ATP5MC2: variants seen among roughly 807,000 people sequenced by gnomAD.
ATP5MC2 encodes ATP synthase F(0) complex subunit C2, mitochondrial.
Under a neutral mutation model 13.5 loss-of-function variants are expected in ATP5MC2, and 11 were observed. That is an observed-to-expected ratio of 0.81 (90% CI 0.51 to 1.35). The LOEUF (loss-of-function observed/expected upper bound fraction) is 1.35, where lower values mean the gene tolerates loss of function less well. ATP5MC2 is among the 40% of genes most tolerant of loss of function. ATP5MC2 has a pLI of 0.00. For synonymous variants in ATP5MC2, 64 were observed against 69.7 expected, an observed-to-expected ratio of 0.92 and a Z score of 0.41; for missense variants, 132 against 175.0, an observed-to-expected ratio of 0.75 and a Z score of 1.39.
At chr12:53,678,519 C>A (rs1945321099), upstream of ATP5MC2, among the ~76,000 whole-genome samples, 1 of 152,180 alleles carries the variant, frequency 6.6e-6, no homozygotes, top group African/African-American at 2.4e-5. Flanking sequence ...AACGTTTTCA[C>A]CTGCATAAGT....
At chr12:53,672,539 T>C in intron 2 of ATP5MC2, 37 bp downstream of exon 2, 1 of 1,529,854 alleles carries the variant, frequency 6.5e-7, no homozygotes, top group South Asian at 1.2e-5. Flanking sequence ...ACAAGATGTC[T>C]CTCCTTTAAA....
intron 4 of ATP5MC2, among the ~76,000 whole-genome samples, chr12:53,665,976 C>A (rs1301922018): frequency 2.6e-5 from 4 of 152,176 alleles, no homozygotes; most frequent in Non-Finnish European, 4.4e-5. Context: ...AGATTATGTT[C>A]TCTCATTTCA....
chr12:53,669,951 A>T lies in ATP5MC2; in HGVS notation c.40-3T>A, dbSNP rs773254587. On this transcript the variant is annotated splice_polypyrimidine_tract_variant and splice_region_variant and intron_variant, in intron 2 of 4. Transcript: ENST00000394349. The stretch of plus-strand genomic sequence containing the variant: ...AGCAGCTGTGAGGTGCTCTTGACCT[A>T]GCAGGAATGACATACAGGGGCAGGA... 1.2e-6 allele frequency: 2 copies of T among 1,614,044 alleles called. No homozygotes were observed. Among genetic ancestry groups the T allele is most frequent in the Admixed American group, 3.3e-5 (2 of 60,022 alleles).
Position 53,673,190 on chromosome 12 carries a change from G to A in ATP5MC2, c.-31-545C>T, listed in dbSNP as rs139542762. Reference sequence around the variant, plus strand: ...AAAAATTAGCCAGGTGTGGTAGCACGCGCCTGTAATCCCAGCTACTCAGGA... The same window carrying A: ...AAAAATTAGCCAGGTGTGGTAGCACACGCCTGTAATCCCAGCTACTCAGGA... On this transcript the variant is annotated intron_variant, in intron 1 of 4. Coordinates refer to ENST00000394349, the MANE Select transcript of ATP5MC2 (RefSeq NM_005176.7). 358 of 152,808 alleles carry A rather than the reference G, an allele frequency of 2.3e-3. 1 individual carries two copies. The highest frequency in any genetic ancestry group is 7.6e-3 in the Admixed American group (116 of 15,334). 9.5% of individuals were successfully genotyped at this position (152,808 alleles called of 1,614,324 possible). A position where few individuals can be genotyped will look rare whatever the true frequency, so the allele number is the denominator to read the frequency against.
intron 4 of ATP5MC2, among the ~76,000 whole-genome samples, chr12:53,667,248 T>C (rs1206053036): frequency 6.6e-6 from 1 of 152,178 alleles, no homozygotes; most frequent in Non-Finnish European, 1.5e-5. Context: ...TATCCAGAGC[T>C]GGGAGTACTA....
intron 2 of ATP5MC2, 127 bp downstream of exon 2, chr12:53,672,449 T>C (rs1382908399): frequency 2.0e-6 from 2 of 1,013,468 alleles, no homozygotes; most frequent in South Asian, 1.4e-5. Flanking sequence ...TTTGAACTCC[T>C]GGCCTCAAGT....
rs1825001855 is a variant in ATP5MC2, at chr12:53,669,243, G to A, written c.216C>T (p.Ala72=). The A allele has an allele frequency of 6.2e-7, 1 of 1,613,902 alleles. No homozygotes were observed. Among genetic ancestry groups the A allele is most frequent in the Non-Finnish European group, 8.5e-7 (1 of 1,179,958 alleles). Residue 72 remains alanine, a synonymous_variant, in exon 4 of 5, where the codon GCC becomes GCT. Coordinates refer to ENST00000394349, the MANE Select transcript of ATP5MC2 (RefSeq NM_005176.7). ...TGGCAGCCCCAGCTCCAATGAACTT[G>A]GCTGCTGTGTCGATGTCCCTTGAAA... ...SAISRDIDTA[A]KFIGAGAATV... is the part of the protein sequence containing the mutation.
chr12:53,675,721 G>T (rs963726404), intron 1 of ATP5MC2, among the ~76,000 whole-genome samples: 1 of 152,202 alleles, frequency 6.6e-6, no homozygotes, highest in Non-Finnish European at 1.5e-5. Context: ...GAGCCTGGGG[G>T]TTGTCACAAT....
At chr12:53,674,815 A>T (rs1593058121) in intron 1 of ATP5MC2, among the ~76,000 whole-genome samples, 1 of 152,270 alleles carries the variant, frequency 6.6e-6, no homozygotes, top group East Asian at 1.9e-4. Flanking sequence ...TTTTGCCTAT[A>T]TGTAACTCTA....
At position 53,665,267 on chromosome 12, in the gene ATP5MC2, G is replaced by C. The variant is rs373187050; in HGVS notation, c.*47C>G. ...GGGAGGTATAGGAAAAGGAACACAC[G>C]GGGCCAACCAGACGCGGGAGAACTA... On this transcript the variant is annotated 3_prime_UTR_variant, in exon 5 of 5. Coordinates refer to ENST00000394349, the MANE Select transcript of ATP5MC2 (RefSeq NM_005176.7). 6.6e-7 allele frequency: 1 copy of C among 1,513,228 alleles called. No homozygotes were observed. The highest frequency in any genetic ancestry group is 9.0e-7 in the Non-Finnish European group (1 of 1,106,994). The allele number at this position is 1,513,228 out of a possible 1,614,324, so 93.7% of individuals were successfully genotyped here. A position where few individuals can be genotyped will look rare whatever the true frequency, so the allele number is the denominator to read the frequency against.
At chr12:53,676,325 GA>G (rs1565630246), upstream of ATP5MC2, 2 of 1,391,900 alleles carry the variant, frequency 1.4e-6, no homozygotes, top group African/African-American at 2.9e-5. Flanking sequence ...CCGTAACGTG[GA>G]CTGCGGTTTG....
chr12:53,667,997 A>ATATATT (rs1944983859), intron 4 of ATP5MC2, among the ~76,000 whole-genome samples: 2 of 126,838 alleles, frequency 1.6e-5, no homozygotes, highest in African/African-American at 3.0e-5. Flanking sequence ...ATATATATAA[A>ATATATT]TTTTTTTTTT....
upstream of ATP5MC2, chr12:53,676,861 TG>T (rs998722233): frequency 6.7e-6 from 1 of 149,846 alleles, no homozygotes; most frequent in Non-Finnish European, 1.5e-5. Context: ...CTCCTGAACG[TG>T]GGTTTTCTCT....
intron 1 of ATP5MC2, chr12:53,673,754 G>A: frequency 5.7e-6 from 1 of 176,048 alleles, no homozygotes; most frequent in South Asian, 8.1e-5. Flanking sequence ...CCAGGAGGCA[G>A]AGGCTACGGT....
Position 53,669,913 on chromosome 12 carries a change from T to C in ATP5MC2, c.75A>G (p.Leu25=), listed in dbSNP as rs749465320. ...KSTSQLLSRP[L]SAVVLKRPEI... ...CCGGTCGTTTCAGCACCACTGCAGA[T>C]AGCGGACGGCTCAGCAGCTGTGAGG... is the stretch of plus-strand genomic sequence containing the variant. Residue 25 remains leucine, a synonymous_variant, in exon 3 of 5, where the codon CTA becomes CTG. Coordinates refer to ENST00000394349, the MANE Select transcript of ATP5MC2 (RefSeq NM_005176.7). The C allele has an allele frequency of 2.5e-6, 4 of 1,613,812 alleles. No homozygotes were observed. The highest frequency in any genetic ancestry group is 1.3e-5 in the African/African-American group (1 of 74,920).
intron 4 of ATP5MC2, 148 bp downstream of exon 4, chr12:53,669,000 A>C (rs1945013049): frequency 8.6e-7 from 1 of 1,164,838 alleles, no homozygotes; most frequent in Middle Eastern, 3.1e-4. Flanking sequence ...CCTGGGAAAC[A>C]GAGCGTTACT....
chr12:53,665,798 C>A (rs531508697), intron 4 of ATP5MC2, among the ~76,000 whole-genome samples: 1 of 152,118 alleles, frequency 6.6e-6, no homozygotes, highest in Non-Finnish European at 1.5e-5. Flanking sequence ...AAGCAGAACT[C>A]CAATATAGTA....
At chr12:53,666,128 T>C (rs898997670) in intron 4 of ATP5MC2, among the ~76,000 whole-genome samples, 1 of 151,824 alleles carries the variant, frequency 6.6e-6, no homozygotes, top group African/African-American at 2.4e-5. Flanking sequence ...GCCAACATGG[T>C]GAAACCCCGT....
upstream of ATP5MC2, among the ~76,000 whole-genome samples, chr12:53,678,558 G>T (rs529105217): frequency 2.9e-4 from 44 of 152,316 alleles, no homozygotes; most frequent in South Asian, 9.1e-3. Flanking sequence ...TTACTTGCTG[G>T]TGAGTGGAGA....
Sources: allele counts gnomAD v4.1 joint callset (sites outside exome capture counted in the v4.1 genomes callset), GRCh38; gene constraint gnomAD v4.1.1; transcripts MANE v1.5; gene names NCBI Gene and HGNC (gene_info 2026-07-23, HGNC 2026-07-21).